VWA3A: variants seen among roughly 807,000 people sequenced by gnomAD.
VWA3A encodes the protein von Willebrand factor A domain containing 3A.
In VWA3A, 134 loss-of-function variants were observed where a neutral mutation model predicts 160.4. The ratio of observed to expected loss-of-function variants is 0.84; its 90% CI spans 0.73 to 0.96. VWA3A has a LOEUF of 0.96. Among genes scored for constraint, VWA3A ranks in the 40% least tolerant of loss-of-function variants. The pLI is 0.00. For missense variants in VWA3A, 1,310 were observed against 1,447.9 expected (o/e 0.90, Z 1.55); for synonymous variants, 476 against 543.4 (o/e 0.88, Z 1.72).
At chr16:22,121,417 C>T in intron 13 of VWA3A, 97 bp from the exon 14 acceptor site, 1 of 1,030,416 alleles carries the variant, frequency 9.7e-7, no homozygotes, top group Non-Finnish European at 1.5e-6. Context: ...GCACTCTAGC[C>T]TGGGTGACAG....
rs77711130 is a variant in VWA3A, at chr16:22,134,636, C to G, written c.2139+198C>G. Among the ~76,000 whole-genome samples the G allele has an allele frequency of 8.5e-3, 1,298 of 152,152 alleles. 4 individuals are homozygous for G. The highest frequency in any genetic ancestry group is 0.014 in the Non-Finnish European group (954 of 68,004). On this transcript the variant is annotated intron_variant, in intron 21 of 33. Coordinates refer to ENST00000389398, the MANE Select transcript of VWA3A (RefSeq NM_173615.5). ...TTGGGTAGAATCTTTCCTTGCCCCT[C>G]CCTGGCTTCTGGTGGCAATTGGTGT...
intron 28 of VWA3A, among the ~76,000 whole-genome samples, chr16:22,149,193 A>G (rs1040614960): frequency 6.6e-6 from 1 of 152,176 alleles, no homozygotes; most frequent in Non-Finnish European, 1.5e-5. Context: ...CACTTGCTGA[A>G]GATCGGGTAA....
intron 21 of VWA3A, among the ~76,000 whole-genome samples, chr16:22,135,821 A>T (rs985091047): frequency 1.3e-5 from 2 of 151,666 alleles, no homozygotes; most frequent in African/African-American, 4.8e-5. Context: ...ACAGAGTCTC[A>T]CTCTGTCGCC....
At chr16:22,093,293 A>G (rs1001370136) in intron 1 of VWA3A, among the ~76,000 whole-genome samples, 1 of 152,154 alleles carries the variant, frequency 6.6e-6, no homozygotes, top group Non-Finnish European at 1.5e-5. Context: ...AAAATTTAAA[A>G]CAAGTAGATA....
intron 19 of VWA3A, 124 bp from the exon 20 acceptor site, chr16:22,132,776 G>T (rs1221212087): frequency 2.3e-6 from 2 of 884,484 alleles, no homozygotes; most frequent in South Asian, 1.8e-5. Context: ...TTCCATCCTT[G>T]TGCCAAGGAC....
Position 22,132,961 on chromosome 16 carries a change from G to A in VWA3A, c.1934G>A (p.Cys645Tyr), listed in dbSNP as rs758290930. 8.7e-6 allele frequency: 14 copies of A among 1,613,830 alleles called. No individual in the cohort carries two copies. Among genetic ancestry groups the A allele is most frequent in the Non-Finnish European group, 1.2e-5 (14 of 1,179,900 alleles). ...GGCTGCGACCTCCAGCTGAACGTGTGTCTCTTCTACGTGGGCGAGCCAAAG... is the reference window on the plus strand; with the variant it reads ...GGCTGCGACCTCCAGCTGAACGTGTATCTCTTCTACGTGGGCGAGCCAAAG... ...CGGCDLQLNV[C>Y]LFYVGEPKMD... Residue 645 changes from cysteine (C) to tyrosine (Y), a missense_variant, in exon 20 of 34, where the codon TGT (cysteine) becomes TAT (tyrosine). Cys to Tyr is a radical substitution (Grantham distance 194). Coordinates refer to ENST00000389398, the MANE Select transcript of VWA3A (RefSeq NM_173615.5).
chr16:22,116,633 G>A, intron 9 of VWA3A, 126 bp from the exon 10 acceptor site: 1 of 735,320 alleles, frequency 1.4e-6, no homozygotes, highest in East Asian at 2.7e-5. Context: ...TGCCACATAG[G>A]TGACCTGTGA....
At chr16:22,116,690 G>C (rs982000038) in intron 9 of VWA3A, 69 bp from the exon 10 acceptor site, 13 of 1,256,506 alleles carry the variant, frequency 1.0e-5, no homozygotes, top group Middle Eastern at 1.8e-4. Flanking sequence ...GGGAATTACC[G>C]TTTTGCTCTG....
intron 21 of VWA3A, among the ~76,000 whole-genome samples, chr16:22,137,194 T>C (rs964699965): frequency 6.6e-6 from 1 of 152,228 alleles, no homozygotes; most frequent in Non-Finnish European, 1.5e-5. Context: ...TAATGGGCAA[T>C]GACCGCATAA....
At position 22,138,522 on chromosome 16, in the gene VWA3A, C is replaced by G; in HGVS notation, c.2292+10C>G. The G allele has an allele frequency of 6.2e-7, 1 of 1,613,550 alleles. No individual in the cohort carries two copies. Among genetic ancestry groups the G allele is most frequent in the Non-Finnish European group, 8.5e-7 (1 of 1,179,774 alleles). ...CCTGGGGGCCAGAATGGTTTGACTC[C>G]CCTCCTAATAACACGCAGAAGATTT... is the stretch of plus-strand genomic sequence containing the variant. On this transcript the variant is annotated intron_variant, in intron 22 of 33. Coordinates refer to ENST00000389398, the MANE Select transcript of VWA3A (RefSeq NM_173615.5).
intron 3 of VWA3A, among the ~76,000 whole-genome samples, chr16:22,099,274 A>G (rs1005176634): frequency 2.6e-5 from 4 of 152,218 alleles, no homozygotes; most frequent in African/African-American, 9.6e-5. Context: ...TTAGCACAGA[A>G]TCACATAATG....
chr16:22,131,421 CT>C, intron 18 of VWA3A, 142 bp downstream of exon 18: 1 of 1,423,898 alleles, frequency 7.0e-7, no homozygotes, highest in South Asian at 1.3e-5. Flanking sequence ...CAGAAAACAG[CT>C]TCCTTCTGTC....
Position 22,097,651 on chromosome 16 carries a change from A to G in VWA3A, c.181A>G (p.Asn61Asp), listed in dbSNP as rs1372304975. The change falls in exon 3 of 34, where the codon AAT (asparagine) becomes GAT (aspartate). Residue 61 changes from asparagine (N) to aspartate (D), a missense_variant. Transcript: ENST00000389398. ...NMNGLGQNSDNGLLVTHVNQT... is the reference protein window; with the variant it reads ...NMNGLGQNSDDGLLVTHVNQT... ...GAATGGACTTGGGCAAAATTCGGAC[A>G]ATGGATTATTGGTTACACATGTTAA... 6.4e-7 allele frequency: 1 copy of G among 1,551,754 alleles called. No individual in the cohort carries two copies.
chr16:22,106,107 G>A lies in VWA3A; in HGVS notation c.483+2578G>A, dbSNP rs150513877. On this transcript the variant is annotated intron_variant, in intron 6 of 33. Transcript: ENST00000389398. The stretch of plus-strand genomic sequence containing the variant: ...CTATTTAAATGGAATGGTTGAGGCC[G>A]GGCGTGGTGGTGCACACCTGTAATC... Among the ~76,000 whole-genome samples the A allele has an allele frequency of 6.0e-4, 92 of 152,240 alleles. 1 individual carries two copies. In the East Asian group the frequency reaches 0.015, roughly 25 times the overall value.
In VWA3A at chr16:22,131,199, T is replaced by C; in HGVS notation, c.1653-6T>C. On this transcript the variant is annotated splice_region_variant and splice_polypyrimidine_tract_variant and intron_variant, in intron 17 of 33. Coordinates refer to ENST00000389398, the MANE Select transcript of VWA3A (RefSeq NM_173615.5). The stretch of plus-strand genomic sequence containing the variant: ...CCTAAGAACGAACTCTCTTTGCTTC[T>C]TAAAGGTTTGGAAGCACAATTGAAA... The C allele has an allele frequency of 1.2e-6, 2 of 1,613,634 alleles. No homozygotes were observed. Among genetic ancestry groups the C allele is most frequent in the Non-Finnish European group, 8.5e-7 (1 of 1,179,770 alleles).
intron 27 of VWA3A, 101 bp downstream of exon 27, chr16:22,146,445 A>T (rs2046252951): frequency 1.1e-6 from 1 of 934,616 alleles, no homozygotes; most frequent in Admixed American, 2.3e-5. Flanking sequence ...CAGGCCTTCA[A>T]GAACTGCAGA....
chr16:22,127,064 T>C (rs2045863281), intron 17 of VWA3A, among the ~76,000 whole-genome samples: 1 of 149,680 alleles, frequency 6.7e-6, no homozygotes, highest in African/African-American at 2.4e-5. Flanking sequence ...ATATTTTATA[T>C]ATAATTAAAT....
chr16:22,143,462 A>C (rs1008983174), intron 25 of VWA3A, among the ~76,000 whole-genome samples: 1 of 152,200 alleles, frequency 6.6e-6, no homozygotes, highest in Non-Finnish European at 1.5e-5. Context: ...TGCCGATGGC[A>C]GATGCCATCC....
chr16:22,117,880 T>C (rs1244964298), intron 11 of VWA3A, among the ~76,000 whole-genome samples: 2 of 152,200 alleles, frequency 1.3e-5, no homozygotes, highest in African/African-American at 4.8e-5. Flanking sequence ...CACTCTATCT[T>C]GATACCTCAT....
Sources: allele counts gnomAD v4.1 joint callset (sites outside exome capture counted in the v4.1 genomes callset), GRCh38; gene constraint gnomAD v4.1.1; transcripts MANE v1.5; gene names NCBI Gene and HGNC (gene_info 2026-07-23, HGNC 2026-07-21).